The following MAP2K6 variants were observed in gnomAD, a reference collection of about 807,000 sequenced individuals.
MAP2K6 encodes the protein mitogen-activated protein kinase kinase 6.
A neutral mutation model predicts 53.7 loss-of-function variants in MAP2K6; 16 were observed. The observed-to-expected ratio is 0.30, with a 90% CI of 0.20 to 0.45. The LOEUF is 0.45. MAP2K6 is among the 20% of genes least tolerant of loss of function. The probability of loss-of-function intolerance (pLI) is 1.00; values close to 1 mark genes in which losing one functional copy is unlikely to be tolerated. For missense variants in MAP2K6, 204 were observed against 411.9 expected (o/e 0.50, Z 4.37); for synonymous variants, 132 against 143.1 (o/e 0.92, Z 0.55).
chr17:69,478,042 G>A lies in MAP2K6; in HGVS notation c.17-27738G>A, dbSNP rs73363639. Among the ~76,000 whole-genome samples, 562 of 152,350 alleles carry A rather than the reference G, an allele frequency of 3.7e-3. 1 individual carries two copies. The highest frequency in any genetic ancestry group is 0.013 in the African/African-American group (532 of 41,588). On this transcript the variant is annotated intron_variant, in intron 1 of 11. Coordinates refer to ENST00000590474, the MANE Select transcript of MAP2K6 (RefSeq NM_002758.4). The stretch of plus-strand genomic sequence containing the variant: ...TGGCAAGATTAGTATGGTCAAAGTA[G>A]AGTCCAGACCAAGATTGGGTGTGTT...
chr17:69,535,290 T>A (rs1430775681), intron 10 of MAP2K6, among the ~76,000 whole-genome samples: 1 of 152,196 alleles, frequency 6.6e-6, no homozygotes, highest in African/African-American at 2.4e-5. Flanking sequence ...CAAGTAGTAT[T>A]ACCTTAGAAA....
intron 1 of MAP2K6, among the ~76,000 whole-genome samples, chr17:69,468,939 C>G (rs1028124327): frequency 2.6e-5 from 4 of 152,184 alleles, no homozygotes; most frequent in African/African-American, 9.7e-5. Flanking sequence ...GAACTGAACA[C>G]TAGAAGAGAG....
intron 1 of MAP2K6, among the ~76,000 whole-genome samples, chr17:69,446,949 C>A (rs1287337010): frequency 6.9e-6 from 1 of 145,942 alleles, no homozygotes. Context: ...ATTTATATAA[C>A]TTTGTATTTT....
Position 69,500,255 on chromosome 17 carries a change from C to G in MAP2K6, c.17-5525C>G, listed in dbSNP as rs527942693. Among the ~76,000 whole-genome samples the G allele has an allele frequency of 1.1e-4, 17 of 151,926 alleles. No individual in the cohort carries two copies. The East Asian group carries it at 1.7e-3, about 16-fold the overall frequency. Reference sequence around the variant, plus strand: ...AGAAGTTTGAGATTAGCCTGGTCAACATGGCGAAACCCCATCTCTACTAAA... The same window carrying G: ...AGAAGTTTGAGATTAGCCTGGTCAAGATGGCGAAACCCCATCTCTACTAAA... On this transcript the variant is annotated intron_variant, in intron 1 of 11. Coordinates refer to ENST00000590474, the MANE Select transcript of MAP2K6 (RefSeq NM_002758.4).
rs111983328 is a variant in MAP2K6 at position 69,463,186 on chromosome 17, A to G, written c.17-42594A>G. 5.2e-3 allele frequency among the ~76,000 whole-genome samples: 784 copies of G among 151,790 alleles called. 11 individuals carry two copies. Among genetic ancestry groups the G allele is most frequent in the African/African-American group, 0.018 (739 of 41,408 alleles). On this transcript the variant is annotated intron_variant, in intron 1 of 11. Coordinates refer to ENST00000590474, the MANE Select transcript of MAP2K6 (RefSeq NM_002758.4). Reference sequence around the variant, plus strand: ...GTGTGTGAACGTGTGCCAAGAAAAAATGATTCGGCTTTTGTTATTTTATAA... The same window carrying G: ...GTGTGTGAACGTGTGCCAAGAAAAAGTGATTCGGCTTTTGTTATTTTATAA...
chr17:69,482,783 T>A (rs1055316407), intron 1 of MAP2K6, among the ~76,000 whole-genome samples: 1 of 152,102 alleles, frequency 6.6e-6, no homozygotes, highest in African/African-American at 2.4e-5. Flanking sequence ...TATCTTTATA[T>A]CTTTAGTATA....
At chr17:69,518,067 G>A (rs976313749) in intron 4 of MAP2K6, among the ~76,000 whole-genome samples, 1 of 152,180 alleles carries the variant, frequency 6.6e-6, no homozygotes, top group African/African-American at 2.4e-5. Flanking sequence ...GCACACACCT[G>A]TAGTCGCAGC....
rs546502257 is a variant in MAP2K6, at chr17:69,451,669, C to T, written c.16+36669C>T. On this transcript the variant is annotated intron_variant, in intron 1 of 11. Coordinates refer to ENST00000590474, the MANE Select transcript of MAP2K6 (RefSeq NM_002758.4). Reference sequence around the variant, plus strand: ...AATGAGGAACCAGCTGTAACAGATTCACCTGGTCCCACAGGGAAGCTTTGG... The same window carrying T: ...AATGAGGAACCAGCTGTAACAGATTTACCTGGTCCCACAGGGAAGCTTTGG... Among the ~76,000 whole-genome samples, 103 of 152,312 alleles carry T rather than the reference C, an allele frequency of 6.8e-4. 1 individual carries two copies. The highest frequency in any genetic ancestry group is 1.1e-3 in the Non-Finnish European group (73 of 68,026).
Position 69,521,339 on chromosome 17 carries a change from G to A in MAP2K6, c.535+239G>A, listed in dbSNP as rs61758052. 837 of 403,138 alleles carry A rather than the reference G, an allele frequency of 2.1e-3. 8 individuals are homozygous for A. Among genetic ancestry groups the A allele is most frequent in the African/African-American group, 0.016 (767 of 48,892 alleles). The allele number at this position is 403,138 out of a possible 1,614,324, so 25.0% of individuals were successfully genotyped here. A position where few individuals can be genotyped will look rare whatever the true frequency, so the allele number is the denominator to read the frequency against. ...ACATCCAAATTGAATATAAACACTTGTTAGCAAGCAGAGCTATGAGATCAT... is the reference window on the plus strand; with the variant it reads ...ACATCCAAATTGAATATAAACACTTATTAGCAAGCAGAGCTATGAGATCAT... On this transcript the variant is annotated intron_variant, in intron 7 of 11. Transcript: ENST00000590474.
At chr17:69,509,137 C>T (rs1165452800) in intron 2 of MAP2K6, among the ~76,000 whole-genome samples, 1 of 152,036 alleles carries the variant, frequency 6.6e-6, no homozygotes, top group Non-Finnish European at 1.5e-5. Context: ...TATCTATGTC[C>T]ACAGAGAAAC....
intron 1 of MAP2K6, 58 bp from the exon 2 acceptor site, chr17:69,505,722 T>C: frequency 7.2e-7 from 1 of 1,392,668 alleles, no homozygotes; most frequent in Non-Finnish European, 1.0e-6. Flanking sequence ...GCAGTCTCTT[T>C]CTCTGCTATC....
intron 1 of MAP2K6, among the ~76,000 whole-genome samples, chr17:69,436,805 T>TTTTTC (rs1006040784): frequency 3.9e-5 from 6 of 151,934 alleles, no homozygotes; most frequent in African/African-American, 1.2e-4. Flanking sequence ...CTTTCTTCTT[T>TTTTTC]TTTTCTTTTC....
chr17:69,520,925 A>C (rs1388472827), intron 6 of MAP2K6, 124 bp from the exon 7 acceptor site: 1 of 683,990 alleles, frequency 1.5e-6, no homozygotes, highest in Non-Finnish European at 2.5e-6. Flanking sequence ...AGATAGGACC[A>C]CCACTATTTG....
At chr17:69,465,303 A>G (rs1907759069) in intron 1 of MAP2K6, among the ~76,000 whole-genome samples, 1 of 152,004 alleles carries the variant, frequency 6.6e-6, no homozygotes, top group Non-Finnish European at 1.5e-5. Flanking sequence ...ACTATGCTCT[A>G]TAAATCTATA....
At chr17:69,433,361 T>C (rs1273226790) in intron 1 of MAP2K6, 1 of 152,200 alleles carries the variant, frequency 6.6e-6, no homozygotes, top group African/African-American at 2.4e-5. Context: ...TGAAGCTAAG[T>C]CAGACTTTGA....
chr17:69,420,647 G>A (rs1598252223), intron 1 of MAP2K6, among the ~76,000 whole-genome samples: 1 of 152,218 alleles, frequency 6.6e-6, no homozygotes, highest in Non-Finnish European at 1.5e-5. Context: ...GTAGAGTGGA[G>A]TCACAGGGAG....
intron 1 of MAP2K6, among the ~76,000 whole-genome samples, chr17:69,486,634 T>C (rs186262439): frequency 6.6e-6 from 1 of 152,330 alleles, no homozygotes; most frequent in East Asian, 1.9e-4. Context: ...CAAACAGCAC[T>C]GATCTTGCTC....
In MAP2K6 at chr17:69,478,152, G is replaced by T. The variant is rs568379850; in HGVS notation, c.17-27628G>T. 1.8e-4 allele frequency among the ~76,000 whole-genome samples: 28 copies of T among 152,308 alleles called. 1 individual carries two copies. The highest frequency in any genetic ancestry group is 6.7e-4 in the African/African-American group (28 of 41,568). On this transcript the variant is annotated intron_variant, in intron 1 of 11. Coordinates refer to ENST00000590474, the MANE Select transcript of MAP2K6 (RefSeq NM_002758.4). ...AGAAGACAGCACAGCTGGGGTAGGCGCTTGAACGCCAGTTTGAATAGTTTG... is the reference window on the plus strand; with the variant it reads ...AGAAGACAGCACAGCTGGGGTAGGCTCTTGAACGCCAGTTTGAATAGTTTG...
At chr17:69,432,002 C>T (rs188825650) in intron 1 of MAP2K6, among the ~76,000 whole-genome samples, 2 of 152,272 alleles carry the variant, frequency 1.3e-5, no homozygotes, top group African/African-American at 4.8e-5. Context: ...AGGCATTAAC[C>T]CCATGGCTCA....
Sources: allele counts gnomAD v4.1 joint callset (sites outside exome capture counted in the v4.1 genomes callset), GRCh38; gene constraint gnomAD v4.1.1; transcripts MANE v1.5; gene names NCBI Gene and HGNC (gene_info 2026-07-23, HGNC 2026-07-21).